The following AGBL3 variants were observed in gnomAD, a reference collection of about 807,000 sequenced individuals.
AGBL3 encodes the protein cytosolic carboxypeptidase 3.
Under a neutral mutation model 94.5 loss-of-function variants are expected in AGBL3, and 68 were observed. The ratio of observed to expected loss-of-function variants is 0.72; its 90% CI spans 0.59 to 0.88. The LOEUF is 0.88. Among genes scored for constraint, AGBL3 ranks in the 40% least tolerant of loss-of-function variants. The pLI, the probability that AGBL3 is intolerant of heterozygous loss-of-function variation, is 0.00. For missense variants in AGBL3, 934 were observed against 1,103.8 expected, an observed-to-expected ratio of 0.85 and a Z score of 2.18; for synonymous variants, 354 against 370.7, an observed-to-expected ratio of 0.95 and a Z score of 0.52.
chr7:135,104,640 A>G (rs1474771790), intron 15 of AGBL3, among the ~76,000 whole-genome samples: 1 of 152,146 alleles, frequency 6.6e-6, no homozygotes, highest in Non-Finnish European at 1.5e-5. Flanking sequence ...GTGAGATGGT[A>G]TCTCATTGTG....
chr7:135,117,748 C>A (rs1252908999), intron 16 of AGBL3, among the ~76,000 whole-genome samples: 1 of 152,196 alleles, frequency 6.6e-6, no homozygotes, highest in Admixed American at 6.5e-5. Flanking sequence ...TCCATATACA[C>A]CTATATCAGA....
intron 10 of AGBL3, 77 bp downstream of exon 10, chr7:135,045,651 G>C: frequency 7.1e-6 from 10 of 1,404,336 alleles, no homozygotes; most frequent in Non-Finnish European, 9.8e-6. Context: ...CCTATGCAGT[G>C]TTTGCCTTTT....
At chr7:135,068,558 A>G (rs1819582583) in intron 12 of AGBL3, among the ~76,000 whole-genome samples, 1 of 152,246 alleles carries the variant, frequency 6.6e-6, no homozygotes. Flanking sequence ...TCTACAAGCC[A>G]GAAGAGAGTG....
At chr7:135,055,730 C>T (rs900048200) in intron 11 of AGBL3, among the ~76,000 whole-genome samples, 5 of 152,078 alleles carry the variant, frequency 3.3e-5, no homozygotes, top group Admixed American at 1.3e-4. Context: ...TTCTTTCTTA[C>T]AGTATCTTTG....
At chr7:135,027,943 G>C (rs1366944971) in intron 5 of AGBL3, among the ~76,000 whole-genome samples, 3 of 151,656 alleles carry the variant, frequency 2.0e-5, no homozygotes, top group Non-Finnish European at 4.4e-5. Flanking sequence ...CTGCAATAAA[G>C]TGAATCTCTC....
intron 16 of AGBL3, 70 bp from the exon 17 acceptor site, chr7:135,134,771 G>A: frequency 7.5e-7 from 1 of 1,331,048 alleles, no homozygotes; most frequent in Non-Finnish European, 1.0e-6. Flanking sequence ...TTTATACTAT[G>A]ACAACATACC....
rs188963178 is a variant in AGBL3, at chr7:134,986,526, T to A, written c.-235T>A. 2 of 152,252 alleles carry A rather than the reference T, an allele frequency of 1.3e-5. No individual in the cohort carries two copies. The highest frequency in any genetic ancestry group is 4.2e-4 in the South Asian group (2 of 4,818). The allele number at this position is 152,252 out of a possible 1,614,324, so 9.4% of individuals were successfully genotyped here. On this transcript the variant is annotated 5_prime_UTR_variant, in exon 1 of 17. It adds an upstream start codon to the 5' untranslated region. Coordinates refer to ENST00000436302, the MANE Select transcript of AGBL3 (RefSeq NM_178563.4). ...CGGACCCGTTGCCTGATGACGAGAG[T>A]TGGGAGTGTGGCTGGGGCTGCGGAT...
chr7:135,004,188 A>T (rs765824800), intron 4 of AGBL3, among the ~76,000 whole-genome samples: 4 of 151,730 alleles, frequency 2.6e-5, no homozygotes, highest in Non-Finnish European at 5.9e-5. Flanking sequence ...TCTATGGGGT[A>T]GAGGGATTAT....
intron 5 of AGBL3, among the ~76,000 whole-genome samples, chr7:135,026,831 G>C (rs1815200439): frequency 1.3e-5 from 2 of 151,426 alleles, no homozygotes; most frequent in African/African-American, 4.8e-5. Context: ...TTGACAGTCT[G>C]CATTTCGTGT....
At chr7:135,129,632 A>G in intron 16 of AGBL3, 1 of 779,388 alleles carries the variant, frequency 1.3e-6, no homozygotes, top group Non-Finnish European at 2.4e-6. Context: ...CATGTCTTAA[A>G]CAGCTGTTTT....
intron 15 of AGBL3, among the ~76,000 whole-genome samples, chr7:135,087,404 C>T (rs1162040171): frequency 2.0e-5 from 3 of 151,694 alleles, no homozygotes; most frequent in Non-Finnish European, 4.4e-5. Flanking sequence ...TTTTCTAGTT[C>T]CTTGTGTTAC....
intron 4 of AGBL3, among the ~76,000 whole-genome samples, chr7:135,013,585 G>A (rs971259617): frequency 2.6e-5 from 4 of 152,150 alleles, no homozygotes; most frequent in Non-Finnish European, 5.9e-5. Context: ...GAATGATGCC[G>A]TATACTTGAA....
At chr7:135,003,473 T>A (rs1227174152) in intron 4 of AGBL3, among the ~76,000 whole-genome samples, 1 of 151,982 alleles carries the variant, frequency 6.6e-6, no homozygotes. Context: ...CTATATGGAA[T>A]CTAAAATAAG....
intron 4 of AGBL3, among the ~76,000 whole-genome samples, chr7:134,999,018 CCCT>C (rs1312038174): frequency 7.9e-5 from 12 of 152,072 alleles, no homozygotes; most frequent in Non-Finnish European, 4.4e-5. Flanking sequence ...CTTTATCACC[CCCT>C]ATTTTAGACA....
At chr7:135,131,179 G>T (rs1183288954) in intron 16 of AGBL3, among the ~76,000 whole-genome samples, 1 of 152,080 alleles carries the variant, frequency 6.6e-6, no homozygotes, top group Non-Finnish European at 1.5e-5. Context: ...GGATGAAGCT[G>T]GAAGCCATCA....
At chr7:135,069,043 C>T (rs1466138331) in intron 12 of AGBL3, among the ~76,000 whole-genome samples, 1 of 151,912 alleles carries the variant, frequency 6.6e-6, no homozygotes, top group Admixed American at 6.6e-5. Flanking sequence ...ATCTGTCAAG[C>T]AAATGAAAAC....
intron 12 of AGBL3, among the ~76,000 whole-genome samples, chr7:135,064,785 TGTATTA>T (rs1402069724): frequency 6.6e-6 from 1 of 152,164 alleles, no homozygotes; most frequent in African/African-American, 2.4e-5. Context: ...ATTTTGAAGA[TGTATTA>T]GGACTCTCTC....
intron 15 of AGBL3, among the ~76,000 whole-genome samples, chr7:135,085,686 G>A (rs759270433): frequency 6.6e-6 from 1 of 152,002 alleles, no homozygotes; most frequent in Admixed American, 6.6e-5. Context: ...GGGGTTCTCT[G>A]TTCTGTCTCA....
intron 15 of AGBL3, among the ~76,000 whole-genome samples, chr7:135,110,811 A>G (rs1296788350): frequency 1.3e-5 from 2 of 152,178 alleles, no homozygotes; most frequent in Admixed American, 6.5e-5. Context: ...CAATGTCCTT[A>G]AAACTCGTTT....
Sources: gnomAD v4.1 joint callset for allele counts (sites outside exome capture counted in the v4.1 genomes callset) on GRCh38, gnomAD v4.1.1 for gene constraint, MANE v1.5 for transcripts, NCBI Gene and HGNC (gene_info 2026-07-23, HGNC 2026-07-21) for gene names.